The following GALNT14 variants were observed in gnomAD, a reference collection of about 807,000 sequenced individuals.
The protein encoded by GALNT14 is UDP-GalNAc:polypeptide N-acetylgalactosaminyltransferase 14.
GALNT14 carries 60 observed loss-of-function variants against 77.5 expected under a neutral mutation model. The ratio of observed to expected loss-of-function variants is 0.77; its 90% confidence interval spans 0.63 to 0.96. The LOEUF is 0.96. GALNT14 is among the 40% of genes least tolerant of loss of function. The pLI is 0.00. For synonymous variants in GALNT14, 280 were observed against 281.7 expected, an observed-to-expected ratio of 0.99 and a Z score of 0.06; for missense variants, 710 against 731.0, an observed-to-expected ratio of 0.97 and a Z score of 0.33.
At chr2:31,046,330 G>A (rs1165238599) in intron 1 of GALNT14, among the ~76,000 whole-genome samples, 11 of 151,598 alleles carry the variant, frequency 7.3e-5, no homozygotes, top group African/African-American at 2.4e-4. Context: ...GGGTTCAAGC[G>A]ATTCTCCTGC....
chr2:30,995,644 C>A (rs191037781), intron 1 of GALNT14, among the ~76,000 whole-genome samples: 60 of 152,232 alleles, frequency 3.9e-4, no homozygotes, highest in Middle Eastern at 6.8e-3. Context: ...AAGTGTGCAC[C>A]ACCATGCCCA....
In GALNT14 at chr2:31,135,614, G is replaced by T. The variant is rs576728379; in HGVS notation, c.129+2344C>A. Among the ~76,000 whole-genome samples the T allele has an allele frequency of 3.3e-5, 5 of 152,276 alleles. No homozygotes were observed. The South Asian group carries it at 1.0e-3, about 32-fold the overall frequency. ...AGAAGGATACAGAAAATGAGGAAAA[G>T]AAGGAACAAGATGTTAAGACAAAGA... On this transcript the variant is annotated intron_variant, in intron 1 of 14. Transcript: ENST00000349752.
intron 1 of GALNT14, among the ~76,000 whole-genome samples, chr2:31,116,087 T>C (rs1409118104): frequency 2.0e-5 from 3 of 152,124 alleles, no homozygotes; most frequent in African/African-American, 7.2e-5. Flanking sequence ...AGGAGGGGCA[T>C]GTAAAATCAT....
At chr2:31,040,857 C>T (rs1673055331) in intron 1 of GALNT14, among the ~76,000 whole-genome samples, 1 of 152,158 alleles carries the variant, frequency 6.6e-6, no homozygotes, top group Non-Finnish European at 1.5e-5. Flanking sequence ...AATTCATGCC[C>T]ACCACATGGG....
At chr2:31,123,009 G>A (rs997317810) in intron 1 of GALNT14, among the ~76,000 whole-genome samples, 2 of 151,948 alleles carry the variant, frequency 1.3e-5, no homozygotes, top group Non-Finnish European at 2.9e-5. Flanking sequence ...GTGAAACCCT[G>A]TCTCTACTAA....
intron 1 of GALNT14, among the ~76,000 whole-genome samples, chr2:31,042,748 C>T (rs1043404127): frequency 6.6e-6 from 1 of 152,204 alleles, no homozygotes. Flanking sequence ...CTTCTCGCCA[C>T]CTCCGCTGCT....
intron 1 of GALNT14, among the ~76,000 whole-genome samples, chr2:31,135,134 C>T (rs1679168988): frequency 6.6e-6 from 1 of 152,196 alleles, no homozygotes; most frequent in South Asian, 2.1e-4. Flanking sequence ...AAACCACGAT[C>T]AACAGACTTG....
intron 11 of GALNT14, among the ~76,000 whole-genome samples, chr2:30,926,961 T>C (rs1333174935): frequency 6.6e-6 from 1 of 152,132 alleles, no homozygotes; most frequent in Admixed American, 6.5e-5. Flanking sequence ...AATGTTGGAC[T>C]GAAGGAGGGT....
At chr2:30,918,327 C>T (rs571047929) in intron 13 of GALNT14, among the ~76,000 whole-genome samples, 6 of 152,300 alleles carry the variant, frequency 3.9e-5, no homozygotes, top group South Asian at 2.1e-4. Flanking sequence ...TGAATTTGAG[C>T]GAGTTACTCA....
At chr2:30,904,502 C>T in the GALNT14 span, among the ~76,000 whole-genome samples, 17 of 152,292 alleles carry the variant, frequency 1.1e-4, no homozygotes, top group South Asian at 6.2e-4. Context: ...GCTTTTCCGA[C>T]GGGCTTAAAA....
At chr2:31,017,522 G>A (rs1267898797) in intron 1 of GALNT14, among the ~76,000 whole-genome samples, 1 of 152,176 alleles carries the variant, frequency 6.6e-6, no homozygotes, top group Non-Finnish European at 1.5e-5. Flanking sequence ...ATAGATTAAT[G>A]AAGTAAAGGG....
In GALNT14 at chr2:30,910,845, T is replaced by G; in HGVS notation, c.*56A>C. On this transcript the variant is annotated 3_prime_UTR_variant, in exon 15 of 15. Coordinates refer to ENST00000349752, the MANE Select transcript of GALNT14 (RefSeq NM_024572.4). ...GCTGCTTGCTGCCCAGTTTCCAGTC[T>G]GTTCTGGTCCAGGGAAGCACCACCC... The G allele has an allele frequency of 6.4e-7, 1 of 1,573,794 alleles. No individual in the cohort carries two copies. The highest frequency in any genetic ancestry group is 1.2e-5 in the South Asian group (1 of 86,780).
chr2:30,972,583 C>A (rs1003809370), intron 2 of GALNT14, among the ~76,000 whole-genome samples: 3 of 152,230 alleles, frequency 2.0e-5, no homozygotes, highest in Non-Finnish European at 4.4e-5. Flanking sequence ...GGCTGAGGAA[C>A]TCACTCCAAC....
intron 1 of GALNT14, among the ~76,000 whole-genome samples, chr2:31,010,409 C>A (rs1256145458): frequency 6.6e-6 from 1 of 152,184 alleles, no homozygotes; most frequent in African/African-American, 2.4e-5. Flanking sequence ...ACCATCCTGG[C>A]TAACACGGTA....
chr2:31,048,294 G>C (rs898752394), intron 1 of GALNT14, among the ~76,000 whole-genome samples: 37 of 152,230 alleles, frequency 2.4e-4, no homozygotes, highest in African/African-American at 8.7e-4. Flanking sequence ...GTTAGGAACT[G>C]AAGATTTGGG....
intron 1 of GALNT14, chr2:31,114,927 G>A: frequency 6.2e-6 from 4 of 646,020 alleles, no homozygotes. Flanking sequence ...TACACCATCT[G>A]CAAAACTGGA....
the GALNT14 span, among the ~76,000 whole-genome samples, chr2:30,893,392 G>A: frequency 6.6e-6 from 1 of 152,162 alleles, no homozygotes; most frequent in Non-Finnish European, 1.5e-5. Context: ...AAAAAATACT[G>A]AGGCTATTAT....
chr2:30,916,225 G>A (rs549425558), intron 13 of GALNT14, among the ~76,000 whole-genome samples: 3 of 152,350 alleles, frequency 2.0e-5, no homozygotes, highest in African/African-American at 7.2e-5. Flanking sequence ...CTCACACGTA[G>A]ACAAACAGCT....
At chr2:30,987,422 C>T (rs780547661) in intron 2 of GALNT14, among the ~76,000 whole-genome samples, 2 of 152,164 alleles carry the variant, frequency 1.3e-5, no homozygotes, top group South Asian at 2.1e-4. Flanking sequence ...TCAAAGCCTG[C>T]CCCTGTCTTA....
Sources: gnomAD v4.1 joint callset for allele counts (sites outside exome capture counted in the v4.1 genomes callset) on GRCh38, gnomAD v4.1.1 for gene constraint, MANE v1.5 for transcripts, NCBI Gene and HGNC (gene_info 2026-07-23, HGNC 2026-07-21) for gene names.